The following ZNF423 variants were observed in gnomAD, a reference collection of about 807,000 sequenced individuals.
ZNF423 encodes the protein Ebf-associated zinc finger protein.
In ZNF423, 12 loss-of-function variants were observed where a neutral mutation model predicts 95.8. That is an observed-to-expected ratio of 0.13 (90% CI 0.08 to 0.20). The LOEUF (loss-of-function observed/expected upper bound fraction) is 0.20. ZNF423 is among the 10% of genes least tolerant of loss of function. ZNF423 has a pLI of 1.00. For missense variants in ZNF423, 1,316 were observed against 1,737.1 expected (o/e 0.76, Z 4.31); for synonymous variants, 749 against 711.9 (o/e 1.05, Z -0.83).
chr16:49,707,808 C>T (rs75120444), intron 3 of ZNF423, among the ~76,000 whole-genome samples: 36 of 152,088 alleles, frequency 2.4e-4, no homozygotes, highest in Admixed American at 8.5e-4. Flanking sequence ...ATTTTACTTA[C>T]TTATTTATTT....
In ZNF423 at chr16:49,737,017, C is replaced by T. The variant is rs753487327; in HGVS notation, c.101-6046G>A. On this transcript the variant is annotated intron_variant, in intron 2 of 7. Transcript: ENST00000563137. ...GAGGGAGGTGGCACAGCCTCCCCTA[C>T]ACCCTGAGGGGAGCTGAGTATGGTG... Among the ~76,000 whole-genome samples, 8 of 152,148 alleles carry T rather than the reference C, an allele frequency of 5.3e-5. No individual in the cohort carries two copies. In the South Asian group the frequency reaches 8.3e-4, roughly 16 times the overall value.
At chr16:49,704,146 C>T (rs1326453016) in intron 3 of ZNF423, among the ~76,000 whole-genome samples, 1 of 152,122 alleles carries the variant, frequency 6.6e-6, no homozygotes, top group Non-Finnish European at 1.5e-5. Flanking sequence ...GTCTTAGCCC[C>T]TCTGGAACAC....
chr16:49,507,622 G>T (rs1399519551), intron 7 of ZNF423, among the ~76,000 whole-genome samples: 1 of 128,720 alleles, frequency 7.8e-6, no homozygotes, highest in African/African-American at 3.3e-5. Context: ...CAAATGAGTA[G>T]AACACATTCC....
intron 2 of ZNF423, among the ~76,000 whole-genome samples, chr16:49,746,674 G>A (rs1359868508): frequency 6.6e-6 from 1 of 152,070 alleles, no homozygotes; most frequent in African/African-American, 2.4e-5. Flanking sequence ...AATGGGGTTA[G>A]CTGGCCAGGC....
In ZNF423 at chr16:49,656,450, G is replaced by A. The variant is rs1324078372; in HGVS notation, c.302-17576C>T. Among the ~76,000 whole-genome samples the A allele has an allele frequency of 3.9e-5, 6 of 152,042 alleles. 1 individual carries two copies. The highest frequency in any genetic ancestry group is 3.9e-4 in the Admixed American group (6 of 15,268). ...TGCTTGAACCCAGGGGGCAGAGGTTGCAGTGAGCCAAGACTGTACCACTGC... is the reference window on the plus strand; with the variant it reads ...TGCTTGAACCCAGGGGGCAGAGGTTACAGTGAGCCAAGACTGTACCACTGC... On this transcript the variant is annotated intron_variant, in intron 3 of 7. Coordinates refer to ENST00000563137, the MANE Select transcript of ZNF423 (RefSeq NM_001379286.1).
intron 3 of ZNF423, among the ~76,000 whole-genome samples, chr16:49,647,954 G>A (rs530362619): frequency 1.1e-4 from 17 of 152,304 alleles, no homozygotes; most frequent in Non-Finnish European, 2.4e-4. Context: ...GAGGGTAGAA[G>A]AATTTTGAGG....
rs376746110 is a variant in ZNF423, at chr16:49,635,548, C to T, written c.3516+112G>A. The stretch of plus-strand genomic sequence containing the variant: ...GCACAGCAGTTCTGTTTTGCCACTG[C>T]GCGATAGCGCCGCTTCTTGGAAACA... On this transcript the variant is annotated intron_variant, in intron 4 of 7. Transcript: ENST00000563137. The surrounding 1 kb of genome is among the most constrained non-coding windows in gnomAD (Gnocchi z 4.8). 12 of 1,396,742 alleles carry T rather than the reference C, an allele frequency of 8.6e-6. No individual in the cohort carries two copies. Among genetic ancestry groups the T allele is most frequent in the South Asian group, 6.3e-5 (4 of 63,916 alleles). The allele number at this position is 1,396,742 out of a possible 1,614,324, so 86.5% of individuals were successfully genotyped here.
intron 1 of ZNF423, among the ~76,000 whole-genome samples, chr16:49,808,760 G>T (rs1430483928): frequency 6.6e-6 from 1 of 152,196 alleles, no homozygotes; most frequent in Non-Finnish European, 1.5e-5. Flanking sequence ...TAGCAGAGGG[G>T]TGGAGAGGGG....
chr16:49,566,451 G>A (rs1970193256), intron 5 of ZNF423, among the ~76,000 whole-genome samples: 1 of 152,156 alleles, frequency 6.6e-6, no homozygotes, highest in South Asian at 2.1e-4. Context: ...AGCACTGGCT[G>A]GGAGAGGAGG....
chr16:49,841,594 C>T (rs576086265), intron 1 of ZNF423, among the ~76,000 whole-genome samples: 1 of 152,346 alleles, frequency 6.6e-6, no homozygotes, highest in Admixed American at 6.5e-5. Context: ...ATGCTACCCG[C>T]TCTTCCAGGC....
chr16:49,686,558 C>A (rs2031572231), intron 3 of ZNF423, among the ~76,000 whole-genome samples: 1 of 152,128 alleles, frequency 6.6e-6, no homozygotes, highest in Non-Finnish European at 1.5e-5. Context: ...GGTCCCCTGT[C>A]AGTGCCCTCC....
At chr16:49,663,839 CCACCCAGGTCTGA>C (rs954494332) in intron 3 of ZNF423, among the ~76,000 whole-genome samples, 4 of 152,178 alleles carry the variant, frequency 2.6e-5, no homozygotes, top group African/African-American at 9.7e-5. Flanking sequence ...CCGCAGGGCC[CCACCCAGGTCTGA>C]CACCCTGGCC....
chr16:49,613,053 T>C (rs1971776447), intron 5 of ZNF423, among the ~76,000 whole-genome samples: 1 of 150,172 alleles, frequency 6.7e-6, no homozygotes, highest in Non-Finnish European at 1.5e-5. Flanking sequence ...AAACATACCA[T>C]GTTAATGGAT....
At position 49,525,613 on chromosome 16, in the gene ZNF423, G is replaced by C. The variant is rs1219363620; in HGVS notation, c.3602-119C>G. The C allele has an allele frequency of 5.6e-6, 8 of 1,432,192 alleles. No homozygotes were observed. In the Admixed American group the frequency reaches 1.3e-4, roughly 24 times the overall value. 88.7% of individuals were successfully genotyped at this position (1,432,192 alleles called of 1,614,324 possible). On this transcript the variant is annotated intron_variant, in intron 5 of 7. Transcript: ENST00000563137. Reference sequence around the variant, plus strand: ...CCCTCCAATCCCCAGCACCGGGGCTGGTGAAGGGACTGCAGACACCAAGAC... The same window carrying C: ...CCCTCCAATCCCCAGCACCGGGGCTCGTGAAGGGACTGCAGACACCAAGAC...
chr16:49,723,302 G>T (rs998875588), intron 3 of ZNF423, among the ~76,000 whole-genome samples: 2 of 152,152 alleles, frequency 1.3e-5, no homozygotes, highest in African/African-American at 4.8e-5. Context: ...GCACATGGGA[G>T]ATATTCAAAA....
At chr16:49,736,365 T>C (rs1236487447) in intron 2 of ZNF423, among the ~76,000 whole-genome samples, 2 of 151,902 alleles carry the variant, frequency 1.3e-5, no homozygotes, top group African/African-American at 2.4e-5. Context: ...AGGAAGAGGG[T>C]ACACCCACAC....
At chr16:49,824,506 A>G (rs541137019) in intron 1 of ZNF423, among the ~76,000 whole-genome samples, 29 of 152,090 alleles carry the variant, frequency 1.9e-4, no homozygotes, top group Non-Finnish European at 4.3e-4. Flanking sequence ...TCAGGCCAGG[A>G]GAGAGAGCTA....
intron 3 of ZNF423, among the ~76,000 whole-genome samples, chr16:49,705,956 A>T (rs1038475743): frequency 6.6e-6 from 1 of 152,206 alleles, no homozygotes; most frequent in African/African-American, 2.4e-5. Context: ...AGGCACGTGG[A>T]CGACCATCTG....
At chr16:49,826,951 G>A (rs895190807) in intron 1 of ZNF423, 2 of 152,140 alleles carry the variant, frequency 1.3e-5, no homozygotes, top group African/African-American at 2.4e-5. Context: ...CTGAAAGGAG[G>A]GTCCCCGCTG....
Sources: gnomAD v4.1 joint callset for allele counts (sites outside exome capture counted in the v4.1 genomes callset) on GRCh38, gnomAD v4.1.1 for gene constraint, Gnocchi (gnomAD v3.1) non-coding constraint, MANE v1.5 for transcripts, NCBI Gene and HGNC (gene_info 2026-07-23, HGNC 2026-07-21) for gene names.